ITGBL1: variants seen among roughly 807,000 people sequenced by gnomAD.
The protein encoded by ITGBL1 is integrin beta-like protein 1.
Under a neutral mutation model 68.5 loss-of-function variants are expected in ITGBL1, and 51 were observed. That is an observed-to-expected ratio of 0.74 (90% CI 0.59 to 0.94). The LOEUF (loss-of-function observed/expected upper bound fraction) is 0.94. ITGBL1 is among the 40% of genes least tolerant of loss of function. The pLI, the probability that ITGBL1 is intolerant of heterozygous loss-of-function variation, is 0.00. For synonymous variants in ITGBL1, 209 were observed against 227.3 expected (o/e 0.92, Z 0.72); for missense variants, 649 against 647.4 (o/e 1.00, Z -0.03).
chr13:101,490,001 G>A (rs369970518), intron 2 of ITGBL1: 3 of 1,454,120 alleles, frequency 2.1e-6, no homozygotes, highest in Non-Finnish European at 2.8e-6. Flanking sequence ...TTTAATAAAG[G>A]TAAGTAGTAT....
intron 7 of ITGBL1, among the ~76,000 whole-genome samples, chr13:101,634,538 A>G (rs891371812): frequency 6.6e-6 from 1 of 152,282 alleles, no homozygotes; most frequent in Non-Finnish European, 1.5e-5. Context: ...ATTTCAATAA[A>G]GATGTTATAT....
chr13:101,477,968 C>T (rs953458067), intron 2 of ITGBL1, among the ~76,000 whole-genome samples: 1 of 151,980 alleles, frequency 6.6e-6, no homozygotes. Context: ...GGAGGGAATA[C>T]TTCCAAACTA....
At chr13:101,618,769 C>G (rs1255544256) in intron 7 of ITGBL1, among the ~76,000 whole-genome samples, 4 of 152,104 alleles carry the variant, frequency 2.6e-5, no homozygotes, top group Admixed American at 6.6e-5. Context: ...ACAGGAGGAA[C>G]ATGGATTTTA....
At chr13:101,455,736 A>G (rs9557654) in intron 2 of ITGBL1, among the ~76,000 whole-genome samples, 26,942 of 152,144 alleles carry the variant, frequency 0.18, 2,719 homozygotes, top group East Asian at 0.38. Flanking sequence ...AGTCCTACAA[A>G]CCGCAGTATA....
rs58977154 is a variant in ITGBL1 at position 101,702,468 on chromosome 13, A to G, written c.1133-4288A>G. Among the ~76,000 whole-genome samples, 1,088 of 152,090 alleles carry G rather than the reference A, an allele frequency of 7.2e-3. 12 individuals are homozygous for G. The highest frequency in any genetic ancestry group is 0.024 in the African/African-American group (1,002 of 41,506). ...TTACATCACTGATTTTATATTTTTC[A>G]TTGCTTCTGATTGCATTCATGCTGT... On this transcript the variant is annotated intron_variant, in intron 8 of 10. Coordinates refer to ENST00000376180, the MANE Select transcript of ITGBL1 (RefSeq NM_004791.3).
At chr13:101,567,212 A>G (rs114576860) in intron 2 of ITGBL1, among the ~76,000 whole-genome samples, 1,840 of 152,244 alleles carry the variant, frequency 0.012, 24 homozygotes, top group African/African-American at 0.042. Context: ...TGAAGTTGGT[A>G]TTTAATATAT....
At chr13:101,539,564 C>T (rs1265042130) in intron 2 of ITGBL1, among the ~76,000 whole-genome samples, 4 of 151,850 alleles carry the variant, frequency 2.6e-5, no homozygotes, top group Non-Finnish European at 4.4e-5. Context: ...TGGGTATATA[C>T]CCAGTAATGG....
intron 7 of ITGBL1, among the ~76,000 whole-genome samples, chr13:101,626,779 C>CT (rs759501805): frequency 7.9e-5 from 12 of 152,190 alleles, no homozygotes; most frequent in South Asian, 4.1e-4. Flanking sequence ...AGGAGTACAT[C>CT]TTTTTTTATA....
rs547321390 is a variant in ITGBL1 at position 101,681,918 on chromosome 13, G to A, written c.1016-10667G>A. Among the ~76,000 whole-genome samples, 16 of 151,992 alleles carry A rather than the reference G, an allele frequency of 1.1e-4. No homozygotes were observed. In the East Asian group the frequency reaches 3.1e-3, roughly 29 times the overall value. On this transcript the variant is annotated intron_variant, in intron 7 of 10. Transcript: ENST00000376180. ...AGAGGCAGAGAAGGAGAGAAAAGAA[G>A]AAGAGGAATATAGCTTGAAAAACAA...
intron 2 of ITGBL1, among the ~76,000 whole-genome samples, chr13:101,560,445 G>A (rs1024837611): frequency 6.6e-6 from 1 of 152,124 alleles, no homozygotes; most frequent in Non-Finnish European, 1.5e-5. Flanking sequence ...GATGCACAGA[G>A]AGAATAAATT....
chr13:101,485,098 T>TAGAAGTCTAAACTC (rs1324871441), intron 2 of ITGBL1, among the ~76,000 whole-genome samples: 1 of 152,142 alleles, frequency 6.6e-6, no homozygotes, highest in Admixed American at 6.5e-5. Context: ...AATGTAAACC[T>TAGAAGTCTAAACTC]AGAAGTCTAA....
chr13:101,562,436 A>G (rs1383264379), intron 2 of ITGBL1, among the ~76,000 whole-genome samples: 1 of 152,010 alleles, frequency 6.6e-6, no homozygotes, highest in Non-Finnish European at 1.5e-5. Context: ...ACTAATCTAT[A>G]AGAAATGACT....
intron 8 of ITGBL1, among the ~76,000 whole-genome samples, chr13:101,698,010 G>A (rs2034042730): frequency 6.6e-6 from 1 of 152,134 alleles, no homozygotes; most frequent in Non-Finnish European, 1.5e-5. Context: ...CATCTCTCCA[G>A]TGGAGAACAA....
Position 101,627,555 on chromosome 13 carries a change from A to T in ITGBL1, c.1015+29256A>T, listed in dbSNP as rs539383921. On this transcript the variant is annotated intron_variant, in intron 7 of 10. Transcript: ENST00000376180. The stretch of plus-strand genomic sequence containing the variant: ...GTAAATTTTATAATGACACGTACCC[A>T]CCATGACAGTAACATATAGAGTAGT... Among the ~76,000 whole-genome samples, 3 of 152,140 alleles carry T rather than the reference A, an allele frequency of 2.0e-5. No homozygotes were observed. In the South Asian group the frequency reaches 6.2e-4, roughly 32 times the overall value.
At position 101,481,374 on chromosome 13, in the gene ITGBL1, T is replaced by C. The variant is rs567062403; in HGVS notation, c.316+27274T>C. 2.0e-5 allele frequency among the ~76,000 whole-genome samples: 3 copies of C among 152,062 alleles called. No homozygotes were observed. The South Asian group carries it at 6.2e-4, about 32-fold the overall frequency. ...TAGCTAATAGTGAAATTAATAATAT[T>C]CTAAAATTTTGTGGGTGGCTATAGG... On this transcript the variant is annotated intron_variant, in intron 2 of 10. Coordinates refer to ENST00000376180, the MANE Select transcript of ITGBL1 (RefSeq NM_004791.3).
chr13:101,631,570 C>T (rs376900139), intron 7 of ITGBL1, among the ~76,000 whole-genome samples: 2 of 152,062 alleles, frequency 1.3e-5, no homozygotes, highest in East Asian at 1.9e-4. Context: ...TGAAATTTTG[C>T]AAGGGATTAC....
chr13:101,643,427 T>A (rs2032456485), intron 7 of ITGBL1, among the ~76,000 whole-genome samples: 2 of 152,038 alleles, frequency 1.3e-5, no homozygotes, highest in African/African-American at 4.8e-5. Context: ...ATCCTGAGAC[T>A]TTGCTGAAGT....
chr13:101,535,784 A>C lies in ITGBL1; in HGVS notation c.317-31915A>C, dbSNP rs548855637. 5.9e-5 allele frequency among the ~76,000 whole-genome samples: 9 copies of C among 152,248 alleles called. No homozygotes were observed. The South Asian group carries it at 1.0e-3, about 18-fold the overall frequency. On this transcript the variant is annotated intron_variant, in intron 2 of 10. Transcript: ENST00000376180. ...AAAACTTTTGCGAAGAGTCTGAAAAAAATTTTTCCTTGCAAAATTTTGCAA... is the reference window on the plus strand; with the variant it reads ...AAAACTTTTGCGAAGAGTCTGAAAACAATTTTTCCTTGCAAAATTTTGCAA...
chr13:101,608,072 G>T (rs1329981205), intron 7 of ITGBL1, among the ~76,000 whole-genome samples: 1 of 152,056 alleles, frequency 6.6e-6, no homozygotes, highest in African/African-American at 2.4e-5. Context: ...CCCCATAAGG[G>T]AAGGTGTGAA....
Sources: allele counts gnomAD v4.1 joint callset (sites outside exome capture counted in the v4.1 genomes callset), GRCh38; gene constraint gnomAD v4.1.1; transcripts MANE v1.5; gene names NCBI Gene and HGNC (gene_info 2026-07-23, HGNC 2026-07-21).